Variants in ZNF780A observed in about 807,000 individuals in gnomAD.
ZNF780A encodes zinc finger protein 780A.
A neutral mutation model predicts 56.7 loss-of-function variants in ZNF780A; 40 were observed. That is an observed-to-expected ratio of 0.71 (90% CI 0.55 to 0.92). ZNF780A has a LOEUF of 0.92. Among genes scored for constraint, ZNF780A ranks in the 40% least tolerant of loss-of-function variants. The pLI, the probability that ZNF780A is intolerant of heterozygous loss-of-function variation, is 0.00. For missense variants in ZNF780A, 672 were observed against 783.3 expected (o/e 0.86, Z 1.70); for synonymous variants, 231 against 248.3 (o/e 0.93, Z 0.66).
chr19:40,072,872 G>A, downstream of ZNF780A: 1 of 1,541,168 alleles, frequency 6.5e-7, no homozygotes, highest in Non-Finnish European at 8.7e-7. Flanking sequence ...GGATTTCCAG[G>A]CTACAATACA....
In ZNF780A at chr19:40,076,030, T is replaced by G; in HGVS notation, c.412A>C (p.Ile138Leu). The change falls in exon 6 of 6, where the codon ATC (isoleucine) becomes CTC (leucine). Residue 138 changes from isoleucine to leucine, a missense_variant. Coordinates refer to ENST00000683561, the MANE Select transcript of ZNF780A (RefSeq NM_001142578.2). ...TCATAGCTGATCATCTTTTGATTGA[T>G]ATTTCCTTCTTGATATCCCTGTAGT... is the stretch of plus-strand genomic sequence containing the variant. The part of the protein sequence containing the change: ...EGLQGYQEGN[I>L]NQKMISYEKL... 6.2e-7 allele frequency: 1 copy of G among 1,613,494 alleles called. No individual in the cohort carries two copies.
intron 2 of ZNF780A, among the ~76,000 whole-genome samples, chr19:40,085,817 T>C (rs1174528756): frequency 1.3e-5 from 2 of 151,364 alleles, no homozygotes; most frequent in Non-Finnish European, 2.9e-5. Context: ...GAGGCGGAGG[T>C]TGCAGTAAGC....
chr19:40,083,840 T>C (rs1363691101), intron 3 of ZNF780A, among the ~76,000 whole-genome samples: 2 of 152,118 alleles, frequency 1.3e-5, no homozygotes, highest in Non-Finnish European at 2.9e-5. Flanking sequence ...ATTTTTTTTC[T>C]ATTTATACGT....
intron 2 of ZNF780A, among the ~76,000 whole-genome samples, chr19:40,089,108 C>T (rs1462411819): frequency 6.6e-6 from 1 of 152,076 alleles, no homozygotes; most frequent in East Asian, 1.9e-4. Flanking sequence ...ATCTATTACA[C>T]AACAGGGTAT....
chr19:40,090,783 C>G (rs1016404577), intron 1 of ZNF780A, 123 bp downstream of exon 1: 2 of 152,400 alleles, frequency 1.3e-5, no homozygotes, highest in South Asian at 2.1e-4. Flanking sequence ...TCTGCACCCC[C>G]GGGTTCCTAC....
Position 40,075,486 on chromosome 19 carries a change from T to G in ZNF780A, c.956A>C (p.Gln319Pro). 1 of 1,613,708 alleles carries G rather than the reference T, an allele frequency of 6.2e-7. No homozygotes were observed. Among genetic ancestry groups the G allele is most frequent in the Non-Finnish European group, 8.5e-7 (1 of 1,179,962 alleles). Residue 319 changes from glutamine to proline, a missense_variant, in exon 6 of 6, where the codon CAA (glutamine) becomes CCA (proline). Coordinates refer to ENST00000683561, the MANE Select transcript of ZNF780A (RefSeq NM_001142578.2). ...ATGAATTTGGCAATGTTCAATAAGT[T>G]GGTAATGATATCGAAAGGCCATCCC... The part of the protein sequence containing the change: ...ECGMAFRYHY[Q>P]LIEHCQIHTG...
chr19:40,071,311 T>A (rs1973808199), downstream of ZNF780A: 1 of 152,212 alleles, frequency 6.6e-6, no homozygotes, highest in South Asian at 2.1e-4. Context: ...TAGCTTGATT[T>A]AAAGGCTTAA....
intron 3 of ZNF780A, among the ~76,000 whole-genome samples, chr19:40,084,152 A>AC (rs1019140230): frequency 1.3e-5 from 2 of 151,692 alleles, no homozygotes; most frequent in Non-Finnish European, 2.9e-5. Flanking sequence ...GTGATCCACC[A>AC]CCCACCTCGG....
intron 2 of ZNF780A, among the ~76,000 whole-genome samples, chr19:40,086,797 G>A (rs762574865): frequency 3.9e-5 from 6 of 152,064 alleles, no homozygotes; most frequent in African/African-American, 1.5e-4. Context: ...CAGCCTCCCA[G>A]GTTCAAACAA....
At position 40,075,890 on chromosome 19, in the gene ZNF780A, C is replaced by G; in HGVS notation, c.552G>C (p.Gln184His). The G allele has an allele frequency of 1.2e-6, 2 of 1,614,122 alleles. No homozygotes were observed. Among genetic ancestry groups the G allele is most frequent in the Non-Finnish European group, 1.7e-6 (2 of 1,180,008 alleles). ...AGGGTTTCTCTCCAGTATGAATACT[C>G]TGATGCTGAATAAGATTTGCACTAC... is the stretch of plus-strand genomic sequence containing the variant. Reference protein sequence around the residue: ...FSRSANLIQHQSIHTGEKPFE... With the variant: ...FSRSANLIQHHSIHTGEKPFE... Residue 184 changes from glutamine to histidine, a missense_variant, in exon 6 of 6, where the codon CAG becomes CAC. Gln to His is a conservative substitution (Grantham distance 24, BLOSUM62 0). Transcript: ENST00000683561.
rs1449879952 is a variant in ZNF780A at position 40,084,923 on chromosome 19, A to C, written c.-45-125T>G. ...ACACGCACACTTCCACCCTTCTCCC[A>C]TCACTCCCCTTGCCCCCACACACAC... On this transcript the variant is annotated intron_variant, in intron 2 of 5. Coordinates refer to ENST00000683561, the MANE Select transcript of ZNF780A (RefSeq NM_001142578.2). 3 of 1,196,038 alleles carry C rather than the reference A, an allele frequency of 2.5e-6. No individual in the cohort carries two copies. In the East Asian group the frequency reaches 7.8e-5, roughly 31 times the overall value. The allele number at this position is 1,196,038 out of a possible 1,614,324, so 74.1% of individuals were successfully genotyped here. A position where few individuals can be genotyped will look rare whatever the true frequency, so the allele number is the denominator to read the frequency against.
intron 5 of ZNF780A, among the ~76,000 whole-genome samples, chr19:40,079,314 C>A (rs991572020): frequency 6.6e-6 from 1 of 152,038 alleles, no homozygotes; most frequent in African/African-American, 2.4e-5. Context: ...ATACTATAAT[C>A]CCAACACCAG....
chr19:40,089,646 A>ACT (rs1281056640), intron 2 of ZNF780A, among the ~76,000 whole-genome samples: 1 of 150,960 alleles, frequency 6.6e-6, no homozygotes, highest in Non-Finnish European at 1.5e-5. Flanking sequence ...ACACACACTC[A>ACT]CACACACACG....
intron 2 of ZNF780A, among the ~76,000 whole-genome samples, chr19:40,088,028 T>C (rs1974916118): frequency 6.6e-6 from 1 of 152,096 alleles, no homozygotes; most frequent in Admixed American, 6.6e-5. Flanking sequence ...GATTAAAGAC[T>C]TAAATGTAAG....
downstream of ZNF780A, chr19:40,072,722 G>A (rs769931082): frequency 9.6e-5 from 120 of 1,251,300 alleles, no homozygotes; most frequent in Non-Finnish European, 1.2e-4. Flanking sequence ...CTCTAACTCT[G>A]GTTGGTATCA....
Position 40,075,486 on chromosome 19 carries a change from T to C in ZNF780A, c.956A>G (p.Gln319Arg), listed in dbSNP as rs1473753099. The C allele has an allele frequency of 6.2e-7, 1 of 1,613,708 alleles. No homozygotes were observed. ...ECGMAFRYHYQLIEHCQIHTG... is the reference protein window; with the variant it reads ...ECGMAFRYHYRLIEHCQIHTG... ...ATGAATTTGGCAATGTTCAATAAGT[T>C]GGTAATGATATCGAAAGGCCATCCC... The change falls in exon 6 of 6, where the codon CAA (glutamine) becomes CGA (arginine). Residue 319 changes from glutamine (Q) to arginine (R), a missense_variant. Gln to Arg is a conservative substitution (Grantham distance 43). Transcript: ENST00000683561.
At chr19:40,088,228 T>C (rs1233036051) in intron 2 of ZNF780A, among the ~76,000 whole-genome samples, 5 of 151,978 alleles carry the variant, frequency 3.3e-5, no homozygotes, top group African/African-American at 1.2e-4. Flanking sequence ...TGAAGAGACA[T>C]CTTGTAGAAT....
chr19:40,085,210 C>G (rs1348271199), intron 2 of ZNF780A: 1 of 985,302 alleles, frequency 1.0e-6, no homozygotes, highest in Non-Finnish European at 1.2e-6. Context: ...AAACCAGAAC[C>G]TCTTTGTGAA....
Position 40,090,289 on chromosome 19 carries a change from T to A in ZNF780A, c.-115-54A>T, listed in dbSNP as rs10421829. ...TCCAGGCATTTCTTGGAGCGCAGACTAAGTTTGAAAACACCCTCCCTCCAT... is the reference window on the plus strand; with the variant it reads ...TCCAGGCATTTCTTGGAGCGCAGACAAAGTTTGAAAACACCCTCCCTCCAT... On this transcript the variant is annotated intron_variant, in intron 1 of 5. Coordinates refer to ENST00000683561, the MANE Select transcript of ZNF780A (RefSeq NM_001142578.2). 18,089 of 152,066 alleles carry A rather than the reference T, an allele frequency of 0.12. 2,077 individuals are homozygous for A. The highest frequency in any genetic ancestry group is 0.3 in the African/African-American group (12,623 of 41,442). The allele number at this position is 152,066 out of a possible 1,614,324, so 9.4% of individuals were successfully genotyped here.
Sources: allele counts gnomAD v4.1 joint callset (sites outside exome capture counted in the v4.1 genomes callset), GRCh38; gene constraint gnomAD v4.1.1; transcripts MANE v1.5; gene names NCBI Gene and HGNC (gene_info 2026-07-23, HGNC 2026-07-21).